Variants in ARHGEF28 observed in about 807,000 individuals in gnomAD.
The protein encoded by ARHGEF28 is Rho guanine nucleotide exchange factor 28, also known as 190 kDa guanine nucleotide exchange factor.
A neutral mutation model predicts 206.6 loss-of-function variants in ARHGEF28; 152 were observed. That is an observed-to-expected ratio of 0.74 (90% CI 0.64 to 0.84). ARHGEF28 has a LOEUF of 0.84. ARHGEF28 is among the 40% of genes least tolerant of loss of function. The pLI is 0.00. For missense variants in ARHGEF28, 2,028 were observed against 2,073.2 expected (o/e 0.98, Z 0.42); for synonymous variants, 763 against 776.4 (o/e 0.98, Z 0.29).
At chr5:73,920,401 A>G (rs1763451302) in intron 35 of ARHGEF28, among the ~76,000 whole-genome samples, 1 of 152,006 alleles carries the variant, frequency 6.6e-6, no homozygotes, top group South Asian at 2.1e-4. Context: ...TCAGTTTGGC[A>G]TAGGTACTTT....
chr5:73,681,270 C>T (rs1433707460), intron 1 of ARHGEF28, among the ~76,000 whole-genome samples: 1 of 152,078 alleles, frequency 6.6e-6, no homozygotes, highest in African/African-American at 2.4e-5. Context: ...GTGCAGCAGA[C>T]ATTTAAGGTG....
At chr5:73,695,946 G>A (rs1444752850) in intron 2 of ARHGEF28, among the ~76,000 whole-genome samples, 2 of 152,150 alleles carry the variant, frequency 1.3e-5, no homozygotes, top group Non-Finnish European at 2.9e-5. Context: ...CATCACCCAA[G>A]CTGTTTTCGT....
chr5:73,919,639 G>A (rs938055470), intron 35 of ARHGEF28, among the ~76,000 whole-genome samples: 21 of 152,160 alleles, frequency 1.4e-4, no homozygotes, highest in African/African-American at 2.9e-4. Flanking sequence ...TTGGTTTCTG[G>A]AGTGGGCTCT....
At chr5:73,808,619 G>A (rs989511835) in intron 9 of ARHGEF28, among the ~76,000 whole-genome samples, 1 of 152,202 alleles carries the variant, frequency 6.6e-6, no homozygotes, top group Admixed American at 6.5e-5. Flanking sequence ...AGTTAAGGCT[G>A]CATATGATGA....
At chr5:73,706,699 A>G (rs1748955797) in intron 2 of ARHGEF28, among the ~76,000 whole-genome samples, 1 of 152,206 alleles carries the variant, frequency 6.6e-6, no homozygotes, top group South Asian at 2.1e-4. Context: ...TAGGTCAACT[A>G]AGAAAACTGG....
At chr5:73,755,322 G>A (rs533447636) in intron 4 of ARHGEF28, among the ~76,000 whole-genome samples, 24 of 151,496 alleles carry the variant, frequency 1.6e-4, no homozygotes, top group Non-Finnish European at 3.4e-4. Context: ...TTTTTGGGGG[G>A]GTGTGGATCC....
intron 9 of ARHGEF28, among the ~76,000 whole-genome samples, chr5:73,801,708 A>G (rs528507346): frequency 1.3e-5 from 2 of 152,222 alleles, no homozygotes; most frequent in Non-Finnish European, 2.9e-5. Context: ...GCTTCTGTGT[A>G]GTCCTTTCTT....
Position 73,882,495 on chromosome 5 carries a change from A to G in ARHGEF28, c.2838A>G (p.Lys946=). ...AGTTTTCAGAAGAAAATGCAAGTAA[A>G]ATGAAGAAAATATATGGAGAATTCT... ...VQQFSEENAS[K]MKKIYGEFCC... Residue 946 remains lysine, a synonymous_variant, in exon 23 of 36, where the codon AAA becomes AAG. Coordinates refer to ENST00000513042, the MANE Select transcript of ARHGEF28 (RefSeq NM_001177693.2). The G allele has an allele frequency of 1.4e-6, 2 of 1,461,536 alleles. No homozygotes were observed. The highest frequency in any genetic ancestry group is 4.9e-5 in the East Asian group (2 of 40,804). The allele number at this position is 1,461,536 out of a possible 1,614,324, so 90.5% of individuals were successfully genotyped here.
At chr5:73,938,199 C>CACACAA (rs1386320876) in intron 35 of ARHGEF28, among the ~76,000 whole-genome samples, 1 of 150,474 alleles carries the variant, frequency 6.6e-6, no homozygotes, top group Non-Finnish European at 1.5e-5. Flanking sequence ...CACACACACA[C>CACACAA]AACTCCCCAT....
intron 2 of ARHGEF28, among the ~76,000 whole-genome samples, chr5:73,726,050 C>T (rs765233593): frequency 1.3e-5 from 2 of 152,114 alleles, no homozygotes; most frequent in Non-Finnish European, 2.9e-5. Context: ...TGTGCAGTTT[C>T]CCCCTGTGTT....
At chr5:73,679,995 T>G (rs1403975205) in intron 1 of ARHGEF28, among the ~76,000 whole-genome samples, 1 of 152,228 alleles carries the variant, frequency 6.6e-6, no homozygotes, top group East Asian at 1.9e-4. Context: ...GCTTTTGGCT[T>G]CAAGTTCTTT....
chr5:73,764,060 C>T (rs187893536), intron 4 of ARHGEF28, among the ~76,000 whole-genome samples: 45 of 152,286 alleles, frequency 3.0e-4, no homozygotes, highest in Non-Finnish European at 6.2e-4. Flanking sequence ...TTTTATAGTT[C>T]TTGACAGCCC....
At chr5:73,903,574 C>T (rs1403192215) in intron 31 of ARHGEF28, 1 of 152,824 alleles carries the variant, frequency 6.5e-6, no homozygotes, top group Non-Finnish European at 1.5e-5. Context: ...CATAGACCCT[C>T]TCCCTAAAGA....
At chr5:73,649,325 G>A (rs570572516) in intron 1 of ARHGEF28, among the ~76,000 whole-genome samples, 1 of 152,300 alleles carries the variant, frequency 6.6e-6, no homozygotes, top group Admixed American at 6.5e-5. Flanking sequence ...CCTGGAAGGA[G>A]CACCTGATCC....
intron 30 of ARHGEF28, chr5:73,900,653 C>T (rs558659769): frequency 2.0e-5 from 3 of 152,366 alleles, no homozygotes; most frequent in South Asian, 2.1e-4. Flanking sequence ...ACTATGAGAC[C>T]GTGAAGTATT....
chr5:73,799,142 A>C (rs1754992856), intron 9 of ARHGEF28, among the ~76,000 whole-genome samples: 2 of 152,128 alleles, frequency 1.3e-5, no homozygotes, highest in African/African-American at 4.8e-5. Context: ...AATCATATTT[A>C]ATGCCATTTA....
At chr5:73,800,255 C>T (rs1245478562) in intron 9 of ARHGEF28, among the ~76,000 whole-genome samples, 1 of 152,096 alleles carries the variant, frequency 6.6e-6, no homozygotes, top group Non-Finnish European at 1.5e-5. Flanking sequence ...CATAAGTAAG[C>T]TCCATTATAG....
At chr5:73,649,262 T>G (rs1213309070) in intron 1 of ARHGEF28, among the ~76,000 whole-genome samples, 1 of 152,122 alleles carries the variant, frequency 6.6e-6, no homozygotes, top group East Asian at 1.9e-4. Context: ...ATATATTTAT[T>G]TGTGGTGGAG....
intron 6 of ARHGEF28, 188 bp from the exon 7 acceptor site, chr5:73,780,488 C>T (rs796518935): frequency 1.4e-5 from 8 of 583,538 alleles, no homozygotes; most frequent in African/African-American, 1.3e-4. Flanking sequence ...TGGAGTTTCT[C>T]CTGACTTTGC....
Sources: allele counts gnomAD v4.1 joint callset (sites outside exome capture counted in the v4.1 genomes callset), GRCh38; gene constraint gnomAD v4.1.1; transcripts MANE v1.5; gene names NCBI Gene and HGNC (gene_info 2026-07-23, HGNC 2026-07-21).